Variants in SPAG9 observed in about 807,000 individuals in gnomAD.
SPAG9 encodes C-Jun-amino-terminal kinase-interacting protein 4.
Under a neutral mutation model 166.5 loss-of-function variants are expected in SPAG9, and 35 were observed. The ratio of observed to expected loss-of-function variants is 0.21; its 90% CI spans 0.16 to 0.28. SPAG9 has a LOEUF of 0.28. Among genes scored for constraint, SPAG9 ranks in the 10% least tolerant of loss-of-function variants. The pLI, the probability that SPAG9 is intolerant of heterozygous loss-of-function variation, is 1.00. For synonymous variants in SPAG9, 534 were observed against 565.5 expected (o/e 0.94, Z 0.79); for missense variants, 1,235 against 1,603.3 (o/e 0.77, Z 3.92).
intron 1 of SPAG9, among the ~76,000 whole-genome samples, chr17:51,111,992 A>C (rs2049125691): frequency 6.6e-6 from 1 of 152,138 alleles, no homozygotes; most frequent in African/African-American, 2.4e-5. Context: ...CACATTCAGA[A>C]ATCTCAAATT....
Position 50,970,745 on chromosome 17 carries a change from A to G in SPAG9, c.3812T>C (p.Val1271Ala). ...GATGTAGCCCTCTCCTCCACTGATG[A>G]CAAGCATAGACTTCAAGGGCGTCTG... ...GSQTPLKSMLVISGGEGYIDF... is the reference protein window; with the variant it reads ...GSQTPLKSMLAISGGEGYIDF... The change falls in exon 29 of 30, where the codon GTC becomes GCC. Residue 1271 changes from valine to alanine, a missense_variant. Around this residue, in one of 6 missense-constraint regions of SPAG9, gnomAD observed 243 missense variants for 358.6 expected, o/e 0.68. Coordinates refer to ENST00000262013, the MANE Select transcript of SPAG9 (RefSeq NM_001130528.3). 6.2e-7 allele frequency: 1 copy of G among 1,614,048 alleles called. No individual in the cohort carries two copies. The highest frequency in any genetic ancestry group is 8.5e-7 in the Non-Finnish European group (1 of 1,179,994).
At chr17:51,078,144 A>G (rs992848767) in intron 2 of SPAG9, among the ~76,000 whole-genome samples, 2 of 152,136 alleles carry the variant, frequency 1.3e-5, no homozygotes, top group Admixed American at 1.3e-4. Context: ...AATGTATTCA[A>G]TGGTAACAAA....
chr17:50,975,973 C>A, intron 27 of SPAG9: 1 of 1,172,536 alleles, frequency 8.5e-7, no homozygotes, highest in Admixed American at 2.0e-5. Flanking sequence ...TGTGAGCCAC[C>A]ACTCTCAGCG....
chr17:51,019,668 C>T (rs1470811864), intron 8 of SPAG9, among the ~76,000 whole-genome samples: 1 of 152,148 alleles, frequency 6.6e-6, no homozygotes, highest in African/African-American at 2.4e-5. Context: ...GCCTGACCAA[C>T]ATGGAGAAAC....
intron 7 of SPAG9, 51 bp downstream of exon 7, chr17:51,021,107 T>C (rs2045921280): frequency 6.8e-7 from 1 of 1,477,818 alleles, no homozygotes; most frequent in Non-Finnish European, 9.5e-7. Flanking sequence ...ACCCACATTA[T>C]CCAGGTTTAC....
chr17:51,092,621 A>G (rs1444462618), intron 1 of SPAG9, among the ~76,000 whole-genome samples: 5 of 152,038 alleles, frequency 3.3e-5, no homozygotes, highest in Non-Finnish European at 7.4e-5. Context: ...ATTATGGTGA[A>G]AAATTGGTTT....
intron 2 of SPAG9, among the ~76,000 whole-genome samples, chr17:51,072,094 C>A (rs2047835289): frequency 6.6e-6 from 1 of 152,064 alleles, no homozygotes; most frequent in Non-Finnish European, 1.5e-5. Flanking sequence ...TTGTTTTAGA[C>A]TGAGTCTTGC....
chr17:51,022,479 G>T (rs897918458), intron 6 of SPAG9, among the ~76,000 whole-genome samples: 3 of 152,052 alleles, frequency 2.0e-5, no homozygotes, highest in African/African-American at 7.2e-5. Flanking sequence ...TCTGGGAAAA[G>T]AATCATAGCT....
chr17:51,120,255 G>A lies in SPAG9; in HGVS notation c.303+99C>T, dbSNP rs918380899. 74 of 1,090,828 alleles carry A rather than the reference G, an allele frequency of 6.8e-5. No individual in the cohort carries two copies. Among genetic ancestry groups the A allele is most frequent in the Non-Finnish European group, 8.7e-5 (70 of 803,334 alleles). 67.6% of individuals were successfully genotyped at this position (1,090,828 alleles called of 1,614,324 possible). A position where few individuals can be genotyped will look rare whatever the true frequency, so the allele number is the denominator to read the frequency against. On this transcript the variant is annotated intron_variant, in intron 1 of 29. Transcript: ENST00000262013. The surrounding 1 kb of genome is among the most constrained non-coding windows in gnomAD (Gnocchi z 4.7). ...GCATCGGCCTCAGGCCCGCCCTCCA[G>A]GAGGCCCGTCGCGCCTCTAGTCCCC...
At chr17:51,023,198 T>C (rs1304858913) in intron 6 of SPAG9, among the ~76,000 whole-genome samples, 1 of 148,080 alleles carries the variant, frequency 6.8e-6, no homozygotes, top group Non-Finnish European at 1.5e-5. Flanking sequence ...AGTAACTATT[T>C]GTATAATTCT....
intron 1 of SPAG9, among the ~76,000 whole-genome samples, chr17:51,081,091 C>G (rs2048151149): frequency 6.6e-6 from 1 of 152,020 alleles, no homozygotes; most frequent in African/African-American, 2.4e-5. Context: ...CAGATCTGAC[C>G]GCTTTTCATC....
intron 29 of SPAG9, among the ~76,000 whole-genome samples, chr17:50,969,403 C>T (rs1038630717): frequency 6.6e-6 from 1 of 152,172 alleles, no homozygotes; most frequent in Admixed American, 6.5e-5. Context: ...CCCACATTCT[C>T]ATCATGCTTC....
chr17:51,066,406 C>T (rs2047666209), intron 2 of SPAG9, among the ~76,000 whole-genome samples: 1 of 151,910 alleles, frequency 6.6e-6, no homozygotes, highest in Admixed American at 6.6e-5. Flanking sequence ...CCATTGCCTC[C>T]AGTCCCCATT....
At chr17:51,118,566 A>G (rs1461656277) in intron 1 of SPAG9, among the ~76,000 whole-genome samples, 1 of 152,182 alleles carries the variant, frequency 6.6e-6, no homozygotes, top group Non-Finnish European at 1.5e-5. Context: ...ACATGTGGTT[A>G]ATTCCCAGTC....
chr17:51,002,939 G>C (rs142848826), intron 12 of SPAG9, among the ~76,000 whole-genome samples: 1 of 150,794 alleles, frequency 6.6e-6, no homozygotes. Context: ...AATTAGCCAC[G>C]TATGGGGTGG....
At chr17:51,077,077 G>GCTATCTAGCTAGCTAT (rs1208007193) in intron 2 of SPAG9, among the ~76,000 whole-genome samples, 2 of 116,252 alleles carry the variant, frequency 1.7e-5, no homozygotes, top group Admixed American at 1.7e-4. Flanking sequence ...TAGCTATCTA[G>GCTATCTAGCTAGCTAT]CTATCTAGCT....
In SPAG9 at chr17:51,001,847, TATA is replaced by T; in HGVS notation, c.1477-5_1477-3del. ...CCTCTGGGCTGTGGGAATATCACTC[TATA>T]ATGACAAGAAAATGACATATCATTC... On this transcript the variant is annotated splice_region_variant and splice_polypyrimidine_tract_variant and intron_variant, in intron 12 of 29. Transcript: ENST00000262013. The T allele has an allele frequency of 6.2e-7, 1 of 1,610,970 alleles. No individual in the cohort carries two copies. The highest frequency in any genetic ancestry group is 1.1e-5 in the South Asian group (1 of 90,348).
intron 4 of SPAG9, chr17:51,046,653 G>A: frequency 6.5e-7 from 1 of 1,536,056 alleles, no homozygotes. Context: ...CATGCATCCA[G>A]GACTCATGGC....
At chr17:51,063,746 G>A (rs2047584194) in intron 2 of SPAG9, among the ~76,000 whole-genome samples, 1 of 151,994 alleles carries the variant, frequency 6.6e-6, no homozygotes, top group African/African-American at 2.4e-5. Context: ...GCCAGGTGTG[G>A]TGGCACATGC....
Sources: gnomAD v4.1 joint callset for allele counts (sites outside exome capture counted in the v4.1 genomes callset) on GRCh38, gnomAD v4.1.1 for gene constraint, gnomAD v4.1.1 regional missense constraint, Gnocchi (gnomAD v3.1) non-coding constraint, MANE v1.5 for transcripts, NCBI Gene and HGNC (gene_info 2026-07-23, HGNC 2026-07-21) for gene names.